PLA2G2F: variants seen among roughly 807,000 people sequenced by gnomAD.
PLA2G2F encodes the protein phospholipase A2 group IIF, also known as group IIF secretory phospholipase A2.
Under a neutral mutation model 15.9 loss-of-function variants are expected in PLA2G2F, and 17 were observed. The ratio of observed to expected loss-of-function variants is 1.07; its 90% CI spans 0.73 to 1.60. PLA2G2F has a LOEUF of 1.60. Among genes scored for constraint, PLA2G2F ranks in the 40% most tolerant of loss-of-function variants. PLA2G2F has a pLI of 0.00. For missense variants in PLA2G2F, 299 were observed against 278.2 expected (o/e 1.07, Z -0.53); for synonymous variants, 119 against 106.5 (o/e 1.12, Z -0.72).
At chr1:20,143,341 CCCTA>C (rs1480910449) in intron 2 of PLA2G2F, 101 bp from the exon 3 acceptor site, 62 of 1,413,944 alleles carry the variant, frequency 4.4e-5, no homozygotes, top group Non-Finnish European at 5.7e-5. Context: ...CTCCCACCTA[CCCTA>C]GGTATTGGGA....
At chr1:20,146,132 C>T (rs765336695) in intron 4 of PLA2G2F, among the ~76,000 whole-genome samples, 7 of 152,202 alleles carry the variant, frequency 4.6e-5, no homozygotes, top group Non-Finnish European at 1.0e-4. Flanking sequence ...GCCGGCTCCC[C>T]AGATGGTTCT....
At position 20,143,538 on chromosome 1, in the gene PLA2G2F, G is replaced by T. The variant is rs755584199; in HGVS notation, c.262G>T (p.Gly88Cys). Residue 88 changes from glycine (G) to cysteine (C), a missense_variant, in exon 3 of 5, where the codon GGT becomes TGT. Coordinates refer to ENST00000375102, the MANE Select transcript of PLA2G2F (RefSeq NM_022819.4). ...RSAILSFVGY[G>C]CYCGLGGRGQ... ...CGCCATCCTGTCCTTCGTGGGCTAC[G>T]GTTGCTACTGTGGGCTGGGGGGCCG... The T allele has an allele frequency of 5.0e-6, 8 of 1,614,064 alleles. No homozygotes were observed. The highest frequency in any genetic ancestry group is 1.7e-5 in the Admixed American group (1 of 60,016).
chr1:20,147,578 A>G (rs1231915223), intron 4 of PLA2G2F, among the ~76,000 whole-genome samples: 1 of 151,892 alleles, frequency 6.6e-6, no homozygotes. Flanking sequence ...TCTCCCGAGT[A>G]GCTGGGATTA....
intron 2 of PLA2G2F, 155 bp downstream of exon 2, chr1:20,140,373 A>G: frequency 1.3e-6 from 1 of 756,700 alleles, no homozygotes; most frequent in Non-Finnish European, 2.1e-6. Flanking sequence ...GCTGCACCCA[A>G]TTCTGGGGCT....
intron 4 of PLA2G2F, among the ~76,000 whole-genome samples, chr1:20,145,753 G>T (rs530729273): frequency 6.6e-6 from 1 of 152,174 alleles, no homozygotes; most frequent in East Asian, 1.9e-4. Context: ...GGGATTACAG[G>T]CCAGTGCCAA....
chr1:20,140,419 T>A (rs1160607839), intron 2 of PLA2G2F: 2 of 585,820 alleles, frequency 3.4e-6, no homozygotes, highest in African/African-American at 3.7e-5. Context: ...CATGCATTTA[T>A]GAGCCCTGGG....
intron 3 of PLA2G2F, 76 bp from the exon 4 acceptor site, chr1:20,144,504 G>A: frequency 9.8e-7 from 1 of 1,022,360 alleles, no homozygotes; most frequent in South Asian, 1.4e-5. Flanking sequence ...GACTGGAAGA[G>A]ATGATCAGAG....
chr1:20,146,607 A>C (rs2017613540), intron 4 of PLA2G2F, among the ~76,000 whole-genome samples: 1 of 152,142 alleles, frequency 6.6e-6, no homozygotes, highest in African/African-American at 2.4e-5. Context: ...CTTTGCCCCC[A>C]TGTCTTCACC....
chr1:20,144,331 G>A (rs1313535284), intron 3 of PLA2G2F, among the ~76,000 whole-genome samples: 5 of 152,214 alleles, frequency 3.3e-5, no homozygotes, highest in Non-Finnish European at 5.9e-5. Context: ...CAAAGACACA[G>A]GGGAGAATGT....
intron 4 of PLA2G2F, among the ~76,000 whole-genome samples, chr1:20,146,289 G>T (rs1008411589): frequency 6.6e-6 from 1 of 152,164 alleles, no homozygotes; most frequent in Non-Finnish European, 1.5e-5. Context: ...CTCACTCATG[G>T]GTCCACTGAG....
intron 2 of PLA2G2F, chr1:20,142,824 C>G (rs1359453467): frequency 6.6e-6 from 1 of 152,464 alleles, no homozygotes; most frequent in Admixed American, 6.5e-5. Flanking sequence ...CTGAGGCCCC[C>G]AGGAGGGCAG....
intron 4 of PLA2G2F, among the ~76,000 whole-genome samples, chr1:20,146,554 G>A (rs1467661008): frequency 3.3e-5 from 5 of 152,230 alleles, no homozygotes; most frequent in Non-Finnish European, 5.9e-5. Context: ...CTCTCTGGGA[G>A]AGGACTCCCC....
chr1:20,144,356 A>G (rs1260944339), intron 3 of PLA2G2F, among the ~76,000 whole-genome samples: 1 of 152,216 alleles, frequency 6.6e-6, no homozygotes, highest in African/African-American at 2.4e-5. Flanking sequence ...TGGGAGGGGC[A>G]GGTCTGGCAG....
chr1:20,144,305 A>G (rs1376596729), intron 3 of PLA2G2F, among the ~76,000 whole-genome samples: 1 of 152,112 alleles, frequency 6.6e-6, no homozygotes, highest in Non-Finnish European at 1.5e-5. Context: ...GAAAGCTGGG[A>G]GCCCTGTGGA....
chr1:20,140,104 A>T, intron 1 of PLA2G2F, 62 bp from the exon 2 acceptor site: 1 of 1,548,528 alleles, frequency 6.5e-7, no homozygotes, highest in Non-Finnish European at 8.9e-7. Flanking sequence ...AGGGAGCAGC[A>T]GGTCCAACAC....
At chr1:20,143,843 T>A in intron 3 of PLA2G2F, 1 of 424,420 alleles carries the variant, frequency 2.4e-6, no homozygotes, top group Non-Finnish European at 4.3e-6. Flanking sequence ...GGAAGGGACC[T>A]TTGACTTGCT....
rs1482859676 is a variant in PLA2G2F, at chr1:20,148,699, C to T, written c.*298C>T. 4 of 427,144 alleles carry T rather than the reference C, an allele frequency of 9.4e-6. No individual in the cohort carries two copies. The highest frequency in any genetic ancestry group is 5.9e-5 in the African/African-American group (3 of 50,614). 26.5% of individuals were successfully genotyped at this position (427,144 alleles called of 1,614,324 possible). A position where few individuals can be genotyped will look rare whatever the true frequency, so the allele number is the denominator to read the frequency against. Reference sequence around the variant, plus strand: ...GAGACCTGAGAGAGAGGAGGAGGGGCCTCTGAGTGGGGCCTCTGTTGCTGG... The same window carrying T: ...GAGACCTGAGAGAGAGGAGGAGGGGTCTCTGAGTGGGGCCTCTGTTGCTGG... On this transcript the variant is annotated 3_prime_UTR_variant, in exon 5 of 5. Coordinates refer to ENST00000375102, the MANE Select transcript of PLA2G2F (RefSeq NM_022819.4).
chr1:20,142,429 C>T (rs2017494898), intron 2 of PLA2G2F: 1 of 152,280 alleles, frequency 6.6e-6, no homozygotes, highest in Non-Finnish European at 1.5e-5. Context: ...CAGCTTCCCC[C>T]AGGTAAGGAC....
At chr1:20,139,950 G>GC (rs1256468909) in intron 1 of PLA2G2F, among the ~76,000 whole-genome samples, 5 of 152,052 alleles carry the variant, frequency 3.3e-5, no homozygotes, top group Admixed American at 3.3e-4. Flanking sequence ...AGAGTGGGGG[G>GC]CAAGGAGGTG....
Sources: allele counts gnomAD v4.1 joint callset (sites outside exome capture counted in the v4.1 genomes callset), GRCh38; gene constraint gnomAD v4.1.1; transcripts MANE v1.5; gene names NCBI Gene and HGNC (gene_info 2026-07-23, HGNC 2026-07-21).